ZNF726: variants seen among roughly 807,000 people sequenced by gnomAD.
ZNF726 encodes zinc finger protein 92 pseudogene 3.
In ZNF726, 15 loss-of-function variants were observed where a neutral mutation model predicts 11.6. That is an observed-to-expected ratio of 1.29 (90% CI 0.86 to 1.99). The LOEUF (loss-of-function observed/expected upper bound fraction) is 1.99, where lower values mean the gene tolerates loss of function less well. Ranked by LOEUF, ZNF726 falls within the 30% of genes most tolerant of loss-of-function variation. ZNF726 has a pLI of 0.00. For synonymous variants in ZNF726, 295 were observed against 243.6 expected, an observed-to-expected ratio of 1.21 and a Z score of -1.96; for missense variants, 890 against 725.6, an observed-to-expected ratio of 1.23 and a Z score of -2.60.
chr19:23,943,122 G>A (rs375576464), intron 3 of ZNF726, among the ~76,000 whole-genome samples: 2 of 152,136 alleles, frequency 1.3e-5, no homozygotes, highest in African/African-American at 4.8e-5. Flanking sequence ...CCAGGTTCAA[G>A]CGATTCTCCT....
intron 3 of ZNF726, among the ~76,000 whole-genome samples, chr19:23,930,979 TTTC>T (rs1437589478): frequency 6.6e-6 from 1 of 152,056 alleles, no homozygotes; most frequent in African/African-American, 2.4e-5. Flanking sequence ...TCCTTCTTTT[TTTC>T]TTTTTTGAGA....
intron 3 of ZNF726, among the ~76,000 whole-genome samples, chr19:23,929,584 CAT>C (rs1253855878): frequency 6.6e-6 from 1 of 152,158 alleles, no homozygotes; most frequent in South Asian, 2.1e-4. Flanking sequence ...CCTCCCACAA[CAT>C]GTGGGAATTA....
chr19:23,928,231 A>G (rs768238560), intron 3 of ZNF726: 1 of 152,216 alleles, frequency 6.6e-6, no homozygotes, highest in Non-Finnish European at 1.5e-5. Context: ...CACTTTCTAC[A>G]GTCTGCTAAA....
intron 1 of ZNF726, among the ~76,000 whole-genome samples, chr19:23,916,676 A>AT (rs896982877): frequency 1.1e-4 from 16 of 152,080 alleles, no homozygotes; most frequent in Non-Finnish European, 1.5e-4. Flanking sequence ...ATTTACAATG[A>AT]TTTTTTTTCT....
In ZNF726 at chr19:23,920,079, C is replaced by G. The variant is rs1967805044; in HGVS notation, c.223C>G (p.Pro75Ala). Residue 75 changes from proline to alanine, a missense_variant, in exon 3 of 4, where the codon CCA becomes GCA. Physicochemically the swap from Pro to Ala is conservative, Grantham distance 27 (BLOSUM62 -1). Coordinates refer to ENST00000594466, the MANE Select transcript of ZNF726 (RefSeq NM_001244038.2). ...MKRDEMVDEP[P>A]GICPHFAQDI... ...GCGAGATGAGATGGTGGATGAACCC[C>G]CAGGTAGGTGAGAGTGAATACAACA... 1 of 1,577,474 alleles carries G rather than the reference C, an allele frequency of 6.3e-7. No homozygotes were observed. The highest frequency in any genetic ancestry group is 1.4e-5 in the African/African-American group (1 of 73,988).
intron 1 of ZNF726, among the ~76,000 whole-genome samples, chr19:23,916,176 C>T (rs1030409596): frequency 6.6e-6 from 1 of 152,134 alleles, no homozygotes; most frequent in African/African-American, 2.4e-5. Context: ...GCCCCTCATC[C>T]CTTATTCCTC....
At chr19:23,928,958 A>C (rs1047555112) in intron 3 of ZNF726, 1 of 152,000 alleles carries the variant, frequency 6.6e-6, no homozygotes, top group Non-Finnish European at 1.5e-5. Context: ...CATCACACCT[A>C]GCTAGTTTTT....
intron 1 of ZNF726, among the ~76,000 whole-genome samples, chr19:23,915,699 G>A (rs868215116): frequency 6.6e-6 from 1 of 151,852 alleles, no homozygotes; most frequent in Non-Finnish European, 1.5e-5. Flanking sequence ...TTCTGCCTCA[G>A]CCTCCCTAGT....
intron 4 of ZNF726, chr19:23,943,668 T>A: frequency 2.1e-6 from 1 of 467,228 alleles, no homozygotes; most frequent in Non-Finnish European, 3.9e-6. Context: ...TAAAATGTGA[T>A]ATGGGATGCT....
chr19:23,933,901 T>C lies in ZNF726; in HGVS notation c.1785T>C (p.Cys595=), dbSNP rs768616728. ...IIHTGEKPYK[C]DECGKSFIWS... is the part of the protein sequence containing the mutation. ...ATACTGGAGAGAAACCTTACAAGTGTGACGAATGTGGCAAATCATTTATCT... is the reference window on the plus strand; with the variant it reads ...ATACTGGAGAGAAACCTTACAAGTGCGACGAATGTGGCAAATCATTTATCT... Residue 595 remains cysteine, a synonymous_variant, in exon 4 of 4, where the codon TGT becomes TGC. Transcript: ENST00000594466. The C allele has an allele frequency of 3.8e-6, 6 of 1,588,948 alleles. No individual in the cohort carries two copies. The highest frequency in any genetic ancestry group is 5.1e-6 in the Non-Finnish European group (6 of 1,167,420).
Position 23,925,905 on chromosome 19 carries a change from C to G in ZNF726, c.226+5823C>G, listed in dbSNP as rs1266394688. Among the ~76,000 whole-genome samples, 4 of 151,766 alleles carry G rather than the reference C, an allele frequency of 2.6e-5. No individual in the cohort carries two copies. In the East Asian group the frequency reaches 7.8e-4, roughly 30 times the overall value. On this transcript the variant is annotated intron_variant, in intron 3 of 3. Transcript: ENST00000594466. ...CTCATTTTTGTATTTTTAGTAGAGA[C>G]AGAGTTTCACCATGTTGGTCAGGAT...
At chr19:23,937,232 G>A (rs1968254540), downstream of ZNF726, among the ~76,000 whole-genome samples, 1 of 150,832 alleles carries the variant, frequency 6.6e-6, no homozygotes, top group Non-Finnish European at 1.5e-5. Context: ...GGCCGGGCAG[G>A]GGGCTGACCC....
At chr19:23,917,549 CA>C (rs1381520695) in intron 1 of ZNF726, among the ~76,000 whole-genome samples, 2 of 151,514 alleles carry the variant, frequency 1.3e-5, no homozygotes, top group Non-Finnish European at 2.9e-5. Context: ...TACATTTCCC[CA>C]AAAAATGTGG....
chr19:23,920,187 T>C, intron 3 of ZNF726, 105 bp downstream of exon 3: 1 of 769,166 alleles, frequency 1.3e-6, no homozygotes, highest in Non-Finnish European at 2.0e-6. Context: ...AAGGAAACCG[T>C]TTCTGGAAAG....
chr19:23,919,424 C>T lies in ZNF726; in HGVS notation c.55C>T (p.Gln19Ter). Residue 19 changes from glutamine to a stop codon, truncating the protein, a stop_gained, in exon 2 of 4, where the codon CAG becomes TAG. Transcript: ENST00000594466. LOFTEE classifies it high-confidence loss of function. ...VAIEFSLEEWQCLDTAQKNLY... is the reference protein window; with the variant it reads ...VAIEFSLEEW Reference sequence around the variant, plus strand: ...CATAGAATTCTCTCTGGAGGAGTGGCAGTGCCTGGACACTGCACAGAAGAA... The same window carrying T: ...CATAGAATTCTCTCTGGAGGAGTGGTAGTGCCTGGACACTGCACAGAAGAA... The T allele has an allele frequency of 6.2e-7, 1 of 1,608,266 alleles. No individual in the cohort carries two copies.
At chr19:23,922,449 G>T (rs1219188643) in intron 3 of ZNF726, among the ~76,000 whole-genome samples, 1 of 152,172 alleles carries the variant, frequency 6.6e-6, no homozygotes, top group Non-Finnish European at 1.5e-5. Context: ...TATAAATGGA[G>T]GTCTTCCTCC....
chr19:23,925,229 T>G (rs1243938705), intron 3 of ZNF726, among the ~76,000 whole-genome samples: 2 of 152,202 alleles, frequency 1.3e-5, no homozygotes, highest in African/African-American at 2.4e-5. Flanking sequence ...CAGGTTCCTA[T>G]GTTATGTATT....
At position 23,933,064 on chromosome 19, in the gene ZNF726, A is replaced by C. The variant is rs761288820; in HGVS notation, c.948A>C (p.Glu316Asp). 4 of 1,613,698 alleles carry C rather than the reference A, an allele frequency of 2.5e-6. No homozygotes were observed. The African/African-American group carries it at 4.0e-5, about 16-fold the overall frequency. ...MHIGEKPYKC[E>D]ECGKAFVWSS... ...TTGGAGAGAAACCCTACAAATGTGA[A>C]GAATGTGGCAAAGCATTTGTTTGGT... Residue 316 changes from glutamate to aspartate, a missense_variant, in exon 4 of 4, where the codon GAA (glutamate) becomes GAC (aspartate). By Grantham distance (45) the Glu-to-Asp change is conservative. Transcript: ENST00000594466.
rs1302826387 is a variant in ZNF726 at position 23,917,364 on chromosome 19, G to T, written c.4-2009G>T. On this transcript the variant is annotated intron_variant, in intron 1 of 3. Transcript: ENST00000594466. ...CAAAAATTAATAATATATTTTACTTGTTGAAAACTTTTACTTTATCTTTCT... is the reference window on the plus strand; with the variant it reads ...CAAAAATTAATAATATATTTTACTTTTTGAAAACTTTTACTTTATCTTTCT... Among the ~76,000 whole-genome samples the T allele has an allele frequency of 5.9e-5, 9 of 152,168 alleles. No homozygotes were observed. The South Asian group carries it at 1.9e-3, about 31-fold the overall frequency.
Sources: allele counts gnomAD v4.1 joint callset (sites outside exome capture counted in the v4.1 genomes callset), GRCh38; gene constraint gnomAD v4.1.1; transcripts MANE v1.5; gene names NCBI Gene and HGNC (gene_info 2026-07-23, HGNC 2026-07-21).